The following GLDN variants were observed in gnomAD, a reference collection of about 807,000 sequenced individuals.
GLDN encodes collomin.
In GLDN, 47 loss-of-function variants were observed where a neutral mutation model predicts 56.5. That is an observed-to-expected ratio of 0.83 (90% CI 0.66 to 1.06). The LOEUF (loss-of-function observed/expected upper bound fraction) is 1.06. GLDN is among the 50% of genes least tolerant of loss of function. The pLI is 0.00. For synonymous variants in GLDN, 332 were observed against 278.8 expected (o/e 1.19, Z -1.90); for missense variants, 782 against 714.3 (o/e 1.09, Z -1.08).
chr15:51,413,013 G>A, the GLDN span, among the ~76,000 whole-genome samples: 1 of 151,998 alleles, frequency 6.6e-6, no homozygotes, highest in Admixed American at 6.5e-5. Flanking sequence ...TCATGCAATG[G>A]ATATGCATTT....
intron 1 of GLDN, among the ~76,000 whole-genome samples, chr15:51,376,276 A>G (rs535372621): frequency 6.0e-4 from 92 of 152,362 alleles, no homozygotes; most frequent in African/African-American, 1.6e-3. Flanking sequence ...ATGTTACAGT[A>G]CTGAATGCTG....
Position 51,397,686 on chromosome 15 carries a change from T to G in GLDN, c.817+88T>G. The G allele has an allele frequency of 4.4e-6, 6 of 1,349,832 alleles. No homozygotes were observed. The South Asian group carries it at 1.2e-4, about 26-fold the overall frequency. 83.6% of individuals were successfully genotyped at this position (1,349,832 alleles called of 1,614,324 possible). On this transcript the variant is annotated intron_variant, in intron 6 of 9. Transcript: ENST00000335449. ...TCCCCAGGCTCTGTGACCAGATTTG[T>G]TTTAATAGAGGGAGGAGGGTTTTGT...
At chr15:51,369,210 A>G (rs1468981838) in intron 1 of GLDN, 3 of 152,246 alleles carry the variant, frequency 2.0e-5, no homozygotes, top group African/African-American at 7.2e-5. Context: ...CCCCAGTCCA[A>G]GCAATCTCAG....
chr15:51,343,160 G>A (rs1220449896), intron 1 of GLDN, among the ~76,000 whole-genome samples: 2 of 152,116 alleles, frequency 1.3e-5, no homozygotes, highest in African/African-American at 2.4e-5. Flanking sequence ...TTAAACTTCC[G>A]TTATCACAGA....
downstream of GLDN, among the ~76,000 whole-genome samples, chr15:51,411,858 TG>T (rs908312407): frequency 2.6e-5 from 4 of 152,230 alleles, no homozygotes; most frequent in Admixed American, 2.0e-4. Flanking sequence ...TGCCACCCCC[TG>T]GGATAATCAT....
intron 4 of GLDN, 171 bp downstream of exon 4, chr15:51,384,063 T>C: frequency 1.5e-6 from 1 of 681,626 alleles, no homozygotes; most frequent in South Asian, 1.6e-5. Context: ...AAGGGTATAC[T>C]TCTTGGTCCC....
chr15:51,352,140 C>T (rs1352739698), intron 1 of GLDN, among the ~76,000 whole-genome samples: 1 of 151,830 alleles, frequency 6.6e-6, no homozygotes, highest in Non-Finnish European at 1.5e-5. Flanking sequence ...ATCTAGGTGC[C>T]GAAAGATTGG....
At position 51,341,714 on chromosome 15, in the gene GLDN, G is replaced by A. The variant is rs1401382453; in HGVS notation, c.30G>A (p.Gly10=). The A allele has an allele frequency of 2.1e-6, 3 of 1,431,158 alleles. No individual in the cohort carries two copies. The highest frequency in any genetic ancestry group is 3.0e-5 in the South Asian group (2 of 65,574). 88.7% of individuals were successfully genotyped at this position (1,431,158 alleles called of 1,614,324 possible). A position where few individuals can be genotyped will look rare whatever the true frequency, so the allele number is the denominator to read the frequency against. The change falls in exon 1 of 10, where the codon GGG becomes GGA. Residue 10 remains glycine, a synonymous_variant. Transcript: ENST00000335449. MARGAEGGR[G]DAGWGLRGAL... Reference sequence around the variant, plus strand: ...CCCGAGGCGCTGAGGGAGGCCGTGGGGACGCGGGTTGGGGCCTGCGTGGCG... The same window carrying A: ...CCCGAGGCGCTGAGGGAGGCCGTGGAGACGCGGGTTGGGGCCTGCGTGGCG...
intron 1 of GLDN, 52 bp downstream of exon 1, chr15:51,342,099 G>A: frequency 1.3e-6 from 2 of 1,583,106 alleles, no homozygotes; most frequent in Non-Finnish European, 1.7e-6. Context: ...GGCGGCTGGG[G>A]GTGTGGGGCG....
chr15:51,400,484 C>T lies in GLDN; in HGVS notation c.1013C>T (p.Thr338Ile). 1.2e-6 allele frequency: 2 copies of T among 1,614,096 alleles called. No homozygotes were observed. The highest frequency in any genetic ancestry group is 1.7e-6 in the Non-Finnish European group (2 of 1,179,996). ...ANKSDDRIWV[T>I]EHFSGIMVKE... ...AAGAGTGATGACCGGATTTGGGTGA[C>T]AGAGCATTTTTCAGGTACTTGCACT... The change falls in exon 8 of 10, where the codon ACA becomes ATA. Residue 338 changes from threonine to isoleucine, a missense_variant. Physicochemically the swap from Thr to Ile is moderately conservative, Grantham distance 89 (BLOSUM62 -1). Coordinates refer to ENST00000335449, the MANE Select transcript of GLDN (RefSeq NM_181789.4).
intron 5 of GLDN, 59 bp downstream of exon 5, chr15:51,395,040 C>T (rs1485467288): frequency 1.4e-6 from 2 of 1,460,040 alleles, no homozygotes; most frequent in African/African-American, 2.9e-5. Context: ...AACTGCCTGG[C>T]TTCCAACACC....
chr15:51,389,096 C>T (rs2037962057), intron 4 of GLDN, among the ~76,000 whole-genome samples: 1 of 152,228 alleles, frequency 6.6e-6, no homozygotes, highest in Non-Finnish European at 1.5e-5. Flanking sequence ...CCCTTACTGG[C>T]CCTGAGGCCC....
chr15:51,356,364 G>A (rs927456977), intron 1 of GLDN, among the ~76,000 whole-genome samples: 2 of 152,126 alleles, frequency 1.3e-5, no homozygotes, highest in Admixed American at 6.5e-5. Context: ...ATCAAGGATG[G>A]TGGTGCTATG....
At position 51,341,659 on chromosome 15, in the gene GLDN, C is replaced by A. The variant is rs993577723; in HGVS notation, c.-26C>A. On this transcript the variant is annotated 5_prime_UTR_variant, in exon 1 of 10. Coordinates refer to ENST00000335449, the MANE Select transcript of GLDN (RefSeq NM_181789.4). Reference sequence around the variant, plus strand: ...CTGCCAGGGCCGCAGGCTGCCAAGCCCTGCCCTGCCCAAGGCGCATAGAGC... The same window carrying A: ...CTGCCAGGGCCGCAGGCTGCCAAGCACTGCCCTGCCCAAGGCGCATAGAGC... The A allele has an allele frequency of 5.8e-6, 8 of 1,372,320 alleles. No individual in the cohort carries two copies. Among genetic ancestry groups the A allele is most frequent in the Non-Finnish European group, 7.5e-6 (8 of 1,072,986 alleles). The allele number at this position is 1,372,320 out of a possible 1,614,324, so 85.0% of individuals were successfully genotyped here. A position where few individuals can be genotyped will look rare whatever the true frequency, so the allele number is the denominator to read the frequency against.
At chr15:51,357,949 C>A (rs548471555) in intron 1 of GLDN, among the ~76,000 whole-genome samples, 1 of 152,238 alleles carries the variant, frequency 6.6e-6, no homozygotes, top group South Asian at 2.1e-4. Flanking sequence ...TCCCTAGGGA[C>A]CTGTCCCTCG....
intron 1 of GLDN, among the ~76,000 whole-genome samples, chr15:51,363,093 G>A (rs953103719): frequency 2.1e-4 from 32 of 152,152 alleles, no homozygotes; most frequent in African/African-American, 7.5e-4. Flanking sequence ...AGTTTTGAAT[G>A]TTGTTACATT....
At chr15:51,373,238 G>T (rs189069954) in intron 1 of GLDN, among the ~76,000 whole-genome samples, 1 of 152,194 alleles carries the variant, frequency 6.6e-6, no homozygotes, top group Non-Finnish European at 1.5e-5. Context: ...CTCAGTATCT[G>T]TGGGGGATTG....
chr15:51,390,631 C>A (rs559001104), intron 4 of GLDN, among the ~76,000 whole-genome samples: 1 of 152,126 alleles, frequency 6.6e-6, no homozygotes, highest in Non-Finnish European at 1.5e-5. Flanking sequence ...CCCTTTCCCC[C>A]GCCTTAGCAA....
intron 1 of GLDN, among the ~76,000 whole-genome samples, chr15:51,347,029 G>A (rs2036990397): frequency 6.6e-6 from 1 of 152,114 alleles, no homozygotes; most frequent in Admixed American, 6.5e-5. Flanking sequence ...TGGCACTACT[G>A]TACTCCAGCT....
Sources: allele counts gnomAD v4.1 joint callset (sites outside exome capture counted in the v4.1 genomes callset), GRCh38; gene constraint gnomAD v4.1.1; transcripts MANE v1.5; gene names NCBI Gene and HGNC (gene_info 2026-07-23, HGNC 2026-07-21).